MAP2K3: variants seen among roughly 807,000 people sequenced by gnomAD.
The protein encoded by MAP2K3 is dual specificity mitogen-activated protein kinase kinase 3.
MAP2K3 carries 30 observed loss-of-function variants against 46.4 expected under a neutral mutation model. The observed-to-expected ratio is 0.65, with a 90% CI of 0.48 to 0.88. MAP2K3 has a LOEUF of 0.88. Ranked by LOEUF, MAP2K3 falls within the 40% of genes least tolerant of loss-of-function variation. The probability of loss-of-function intolerance (pLI) is 0.00; values close to 1 mark genes in which losing one functional copy is unlikely to be tolerated. For missense variants in MAP2K3, 380 were observed against 464.5 expected (o/e 0.82, Z 1.67); for synonymous variants, 189 against 176.3 (o/e 1.07, Z -0.57).
At chr17:21,300,798 C>T in intron 4 of MAP2K3, 76 bp from the exon 5 acceptor site, 1 of 1,612,054 alleles carries the variant, frequency 6.2e-7, no homozygotes. Context: ...GCCCCCTGAG[C>T]TCCTGGCCCT....
chr17:21,296,020 A>G (rs1976224737), intron 1 of MAP2K3: 2 of 1,281,556 alleles, frequency 1.6e-6, no homozygotes, highest in African/African-American at 1.5e-5. Flanking sequence ...GAAAAGCCTG[A>G]CATCAGGAAT....
intron 1 of MAP2K3, among the ~76,000 whole-genome samples, chr17:21,288,245 G>A (rs1322758217): frequency 6.6e-6 from 1 of 152,256 alleles, no homozygotes; most frequent in Non-Finnish European, 1.5e-5. Flanking sequence ...CACTGGAGGT[G>A]GCCCCTTCCT....
intron 1 of MAP2K3, among the ~76,000 whole-genome samples, chr17:21,293,359 G>A (rs1048821936): frequency 2.1e-4 from 32 of 152,416 alleles, no homozygotes; most frequent in Admixed American, 1.2e-3. Flanking sequence ...CCTTCCCTAC[G>A]TCCTTCCCTC....
chr17:21,295,916 G>A, intron 1 of MAP2K3: 2 of 1,264,064 alleles, frequency 1.6e-6, no homozygotes, highest in South Asian at 2.5e-5. Flanking sequence ...CACAGGGAAA[G>A]GGTGGGACTC....
intron 1 of MAP2K3, chr17:21,296,210 G>A (rs1339531964): frequency 2.4e-5 from 31 of 1,287,004 alleles, no homozygotes; most frequent in Non-Finnish European, 3.1e-5. Flanking sequence ...GTGCGGGGCA[G>A]GTGGGTGGCA....
chr17:21,313,592 T>TGGGGGGGGGG, intron 11 of MAP2K3, 55 bp downstream of exon 11: 1 of 819,720 alleles, frequency 1.2e-6, no homozygotes, highest in Non-Finnish European at 2.0e-6. Flanking sequence ...TGGGGCTGGG[T>TGGGGGGGGGG]GGGGCTCTGG....
chr17:21,303,217 T>C lies in MAP2K3; in HGVS notation c.551T>C (p.Leu184Pro). 1 of 1,614,208 alleles carries C rather than the reference T, an allele frequency of 6.2e-7. No homozygotes were observed. The highest frequency in any genetic ancestry group is 8.5e-7 in the Non-Finnish European group (1 of 1,180,050). Residue 184 changes from leucine (L) to proline (P), a missense_variant, in exon 7 of 12, where the codon CTG becomes CCG. Around this residue, in one of 5 missense-constraint regions of MAP2K3, gnomAD observed 294 missense variants for 275.4 expected, o/e 1.07. Transcript: ENST00000342679. ...VRALEHLHSK[L>P]SVIHRDVKPS... ...GCCCTGGAGCATCTGCACAGCAAGC[T>C]GTCGGTGATCCACAGAGGTCAGTGC... is the stretch of plus-strand genomic sequence containing the variant.
In MAP2K3 at chr17:21,302,240, T is replaced by C. The variant is rs775135517; in HGVS notation, c.497T>C (p.Leu166Pro). The C allele has an allele frequency of 9.8e-6, 15 of 1,528,972 alleles. No homozygotes were observed. Among genetic ancestry groups the C allele is most frequent in the East Asian group, 2.7e-5 (1 of 37,080 alleles). 94.7% of individuals were successfully genotyped at this position (1,528,972 alleles called of 1,614,324 possible). The change falls in exon 6 of 12, where the codon CTT becomes CCT. Residue 166 changes from leucine to proline, a missense_variant. Leu to Pro is a moderately conservative substitution (Grantham distance 98). This residue lies in a region of MAP2K3 where 294 missense variants were observed against 275.4 expected (regional missense o/e 1.07). Transcript: ENST00000342679. ...AACATGACAATTCCAGAGGACATCC[T>C]TGGGGAGATTGCTGTGTCTGTGAGT... is the stretch of plus-strand genomic sequence containing the variant. The part of the protein sequence containing the change: ...DKNMTIPEDI[L>P]GEIAVSIVRA...
At chr17:21,302,810 C>T (rs1262447151) in intron 6 of MAP2K3, among the ~76,000 whole-genome samples, 2 of 152,312 alleles carry the variant, frequency 1.3e-5, no homozygotes, top group Non-Finnish European at 2.9e-5. Flanking sequence ...GCTCCCCACC[C>T]AGCCTTCCCA....
intron 1 of MAP2K3, among the ~76,000 whole-genome samples, chr17:21,297,484 C>T (rs1048624269): frequency 1.3e-5 from 2 of 152,308 alleles, no homozygotes; most frequent in Non-Finnish European, 2.9e-5. Flanking sequence ...GTGTCACTCC[C>T]AGCCCTGCTG....
chr17:21,287,295 C>T (rs770239714), intron 1 of MAP2K3, among the ~76,000 whole-genome samples: 4 of 152,358 alleles, frequency 2.6e-5, no homozygotes, highest in Non-Finnish European at 5.9e-5. Context: ...GTTGCATTCT[C>T]GCTGCAAAAT....
At chr17:21,301,135 G>C (rs1247869737) in intron 5 of MAP2K3, 142 bp downstream of exon 5, 1 of 1,416,438 alleles carries the variant, frequency 7.1e-7, no homozygotes, top group East Asian at 2.3e-5. Context: ...TCTCTTGGCT[G>C]TTACTGTCCT....
chr17:21,309,465 GA>G (rs1167416841), intron 9 of MAP2K3, among the ~76,000 whole-genome samples: 1 of 152,076 alleles, frequency 6.6e-6, no homozygotes, highest in Admixed American at 6.6e-5. Flanking sequence ...ACAGTAAGGG[GA>G]AAATGACTGT....
At chr17:21,294,198 G>T (rs1182900537) in intron 1 of MAP2K3, among the ~76,000 whole-genome samples, 1 of 47,430 alleles carries the variant, frequency 2.1e-5, no homozygotes, top group Non-Finnish European at 4.6e-5. Flanking sequence ...GCCTGGGGCA[G>T]GGCGGCGCCT....
At chr17:21,297,528 A>G (rs1169354135) in intron 1 of MAP2K3, among the ~76,000 whole-genome samples, 6 of 152,310 alleles carry the variant, frequency 3.9e-5, no homozygotes, top group Admixed American at 6.5e-5. Flanking sequence ...TGACCCTGGC[A>G]TCTCTGATCC....
At chr17:21,302,043 A>C in intron 5 of MAP2K3, 100 bp from the exon 6 acceptor site, 1 of 2,592 alleles carries the variant, frequency 3.9e-4, no homozygotes, top group South Asian at 5.6e-3. Context: ...CACACGTCGG[A>C]GAGGGGGCTG....
intron 5 of MAP2K3, among the ~76,000 whole-genome samples, chr17:21,301,627 C>T (rs1314764466): frequency 4.6e-5 from 7 of 152,278 alleles, no homozygotes; most frequent in South Asian, 2.1e-4. Context: ...AGCTCAGCAT[C>T]CTCTGTGCCA....
chr17:21,302,869 G>A (rs1976683040), intron 6 of MAP2K3, among the ~76,000 whole-genome samples: 1 of 152,310 alleles, frequency 6.6e-6, no homozygotes, highest in African/African-American at 2.4e-5. Context: ...CACGGGAGGG[G>A]AGATGGGACA....
intron 9 of MAP2K3, among the ~76,000 whole-genome samples, chr17:21,310,302 C>G (rs571813154): frequency 9.2e-5 from 14 of 152,250 alleles, no homozygotes; most frequent in Non-Finnish European, 1.2e-4. Flanking sequence ...AGCCACCGCA[C>G]CTGGCCAATT....
Sources: gnomAD v4.1 joint callset for allele counts (sites outside exome capture counted in the v4.1 genomes callset) on GRCh38, gnomAD v4.1.1 for gene constraint, gnomAD v4.1.1 regional missense constraint, MANE v1.5 for transcripts, NCBI Gene and HGNC (gene_info 2026-07-23, HGNC 2026-07-21) for gene names.